ASCC2: variants seen among roughly 807,000 people sequenced by gnomAD.
ASCC2 encodes the protein activating signal cointegrator 1 complex subunit 2, also known as ASC-1 complex subunit P100.
A neutral mutation model predicts 93.5 loss-of-function variants in ASCC2; 42 were observed. The ratio of observed to expected loss-of-function variants is 0.45; its 90% CI spans 0.35 to 0.58. ASCC2 has a LOEUF of 0.58. Among genes scored for constraint, ASCC2 ranks in the 20% least tolerant of loss-of-function variants. The pLI, the probability that ASCC2 is intolerant of heterozygous loss-of-function variation, is 0.00. For synonymous variants in ASCC2, 364 were observed against 384.2 expected (o/e 0.95, Z 0.62); for missense variants, 859 against 977.6 (o/e 0.88, Z 1.62).
At chr22:29,801,608 G>C (rs923092664) in intron 14 of ASCC2, among the ~76,000 whole-genome samples, 2 of 152,194 alleles carry the variant, frequency 1.3e-5, no homozygotes, top group African/African-American at 4.8e-5. Flanking sequence ...TAAATGGTAG[G>C]TGTGATGAAA....
intron 1 of ASCC2, chr22:29,833,500 A>C: frequency 2.3e-6 from 1 of 436,168 alleles, no homozygotes. Context: ...TTCATAGAAA[A>C]CTGACAGTGC....
chr22:29,792,892 T>C lies in ASCC2; in HGVS notation c.1920-357A>G, dbSNP rs777030190. Among the ~76,000 whole-genome samples the C allele has an allele frequency of 5.1e-4, 78 of 152,148 alleles. 1 individual carries two copies. Among genetic ancestry groups the C allele is most frequent in the Non-Finnish European group, 9.4e-4 (64 of 68,024 alleles). On this transcript the variant is annotated intron_variant, in intron 17 of 19. Coordinates refer to ENST00000307790, the MANE Select transcript of ASCC2 (RefSeq NM_032204.5). Reference sequence around the variant, plus strand: ...TGAGCGCGGTGGCTCACGCCTGTAATACCCACACTTTGGGAGGTTGAGGTG... The same window carrying C: ...TGAGCGCGGTGGCTCACGCCTGTAACACCCACACTTTGGGAGGTTGAGGTG...
At chr22:29,793,224 G>A (rs2057993831) in intron 17 of ASCC2, 136 bp downstream of exon 17, 1 of 1,239,446 alleles carries the variant, frequency 8.1e-7, no homozygotes, top group Non-Finnish European at 1.1e-6. Flanking sequence ...CTGGGGTGGA[G>A]GAGCACTGGA....
intron 1 of ASCC2, chr22:29,836,555 C>A (rs999797646): frequency 2.0e-5 from 3 of 151,906 alleles, no homozygotes; most frequent in African/African-American, 7.3e-5. Context: ...GTACGTTAAT[C>A]ATTTCATTCA....
chr22:29,793,816 A>C, intron 15 of ASCC2, 140 bp from the exon 16 acceptor site: 1 of 584,934 alleles, frequency 1.7e-6, no homozygotes, highest in Non-Finnish European at 2.8e-6. Context: ...AGCATTGGTG[A>C]GGGCGTGGGA....
At chr22:29,833,154 A>G (rs920562676) in intron 1 of ASCC2, among the ~76,000 whole-genome samples, 1 of 152,218 alleles carries the variant, frequency 6.6e-6, no homozygotes, top group African/African-American at 2.4e-5. Flanking sequence ...CTGTGAGCTC[A>G]GTAGCCTGTG....
chr22:29,824,203 G>T (rs1250612354), intron 4 of ASCC2, among the ~76,000 whole-genome samples: 1 of 149,074 alleles, frequency 6.7e-6, no homozygotes, highest in Non-Finnish European at 1.5e-5. Context: ...AAAAGGAAGA[G>T]AAAATGTCCA....
intron 2 of ASCC2, among the ~76,000 whole-genome samples, chr22:29,828,477 G>A (rs1294489402): frequency 6.6e-6 from 1 of 152,196 alleles, no homozygotes; most frequent in South Asian, 2.1e-4. Context: ...TGGGATTAAA[G>A]AGGCAACTGA....
At chr22:29,809,313 T>C (rs2060034644) in intron 8 of ASCC2, among the ~76,000 whole-genome samples, 1 of 152,100 alleles carries the variant, frequency 6.6e-6, no homozygotes, top group Admixed American at 6.5e-5. Flanking sequence ...CATTGGCTTA[T>C]GAGTTAAGCC....
At chr22:29,792,660 AAAAGCCT>A in intron 17 of ASCC2, 125 bp from the exon 18 acceptor site, 1 of 1,337,714 alleles carries the variant, frequency 7.5e-7, no homozygotes, top group Non-Finnish European at 1.0e-6. Context: ...GGGAAAAACC[AAAAGCCT>A]TTCAAGCCAG....
rs746026673 is a variant in ASCC2, at chr22:29,806,325, G to A, written c.1086-35C>T. The A allele has an allele frequency of 1.9e-6, 3 of 1,606,382 alleles. No individual in the cohort carries two copies. The South Asian group carries it at 3.3e-5, about 18-fold the overall frequency. On this transcript the variant is annotated intron_variant, in intron 11 of 19. Transcript: ENST00000307790. ...GATGAGAGCAGATGGGATGGACAGAGCTGGGGCCACAGGAATGCTGTGCTG... is the reference window on the plus strand; with the variant it reads ...GATGAGAGCAGATGGGATGGACAGAACTGGGGCCACAGGAATGCTGTGCTG...
rs184299838 is a variant in ASCC2, at chr22:29,827,604, T to C, written c.82-1824A>G. On this transcript the variant is annotated intron_variant, in intron 2 of 19. Transcript: ENST00000307790. ...TCATGGAGTTACAGGTACAAATCTG[T>C]TGAAAAAGAAATTCTGCTGGCTGAA... 22 of 470,816 alleles carry C rather than the reference T, an allele frequency of 4.7e-5. No homozygotes were observed. In the Admixed American group the frequency reaches 4.7e-4, roughly 10 times the overall value. The allele number at this position is 470,816 out of a possible 1,614,324, so 29.2% of individuals were successfully genotyped here. A position where few individuals can be genotyped will look rare whatever the true frequency, so the allele number is the denominator to read the frequency against.
intron 6 of ASCC2, 70 bp from the exon 7 acceptor site, chr22:29,814,837 G>A (rs2060656236): frequency 7.7e-7 from 1 of 1,301,898 alleles, no homozygotes. Flanking sequence ...CAGCAGCCAG[G>A]GTCAGGTGAT....
chr22:29,804,551 A>G, intron 13 of ASCC2, 87 bp downstream of exon 13: 1 of 1,507,402 alleles, frequency 6.6e-7, no homozygotes, highest in Non-Finnish European at 9.0e-7. Flanking sequence ...ATAAAAGCAA[A>G]GAAGGGAGGT....
chr22:29,809,121 CAAAAAAAAA>C (rs1316093434), intron 8 of ASCC2, among the ~76,000 whole-genome samples: 1 of 41,000 alleles, frequency 2.4e-5, no homozygotes. Flanking sequence ...GACTCTGTCT[CAAAAAAAAA>C]AAAAAAAAAA....
Position 29,804,513 on chromosome 22 carries a change from A to G in ASCC2, c.1353+125T>C, listed in dbSNP as rs1601917375. 3.4e-6 allele frequency: 4 copies of G among 1,162,490 alleles called. No homozygotes were observed. In the East Asian group the frequency reaches 9.5e-5, roughly 27 times the overall value. The allele number at this position is 1,162,490 out of a possible 1,614,324, so 72.0% of individuals were successfully genotyped here. ...GCTGACCAGTTGCTTGAGGCTGTCT[A>G]TTCCCCAAAAAAACTTTTTCCCTGA... On this transcript the variant is annotated intron_variant, in intron 13 of 19. Transcript: ENST00000307790.
intron 8 of ASCC2, among the ~76,000 whole-genome samples, chr22:29,812,622 T>C (rs902761925): frequency 6.6e-6 from 1 of 152,222 alleles, no homozygotes; most frequent in Admixed American, 6.5e-5. Flanking sequence ...CTGGCTTGTT[T>C]TCCTGCTGTT....
rs1460287615 is a variant in ASCC2, at chr22:29,788,926, G to A, written c.*87C>T. The stretch of plus-strand genomic sequence containing the variant: ...CTGTTGAGGGGTTGAGTTGAACTTG[G>A]GGCCCCTAGTGAGGAGGCCCCAGGC... On this transcript the variant is annotated 3_prime_UTR_variant, in exon 20 of 20. Transcript: ENST00000307790. 1.1e-5 allele frequency: 17 copies of A among 1,552,870 alleles called. No homozygotes were observed. Among genetic ancestry groups the A allele is most frequent in the Non-Finnish European group, 1.5e-5 (17 of 1,137,546 alleles).
chr22:29,825,300 C>A lies in ASCC2; in HGVS notation c.241-43G>T, dbSNP rs1003467378. 1 of 1,503,128 alleles carries A rather than the reference C, an allele frequency of 6.7e-7. No individual in the cohort carries two copies. Among genetic ancestry groups the A allele is most frequent in the Admixed American group, 2.3e-5 (1 of 42,770 alleles). The allele number at this position is 1,503,128 out of a possible 1,614,324, so 93.1% of individuals were successfully genotyped here. A position where few individuals can be genotyped will look rare whatever the true frequency, so the allele number is the denominator to read the frequency against. On this transcript the variant is annotated intron_variant, in intron 3 of 19. Coordinates refer to ENST00000307790, the MANE Select transcript of ASCC2 (RefSeq NM_032204.5). The surrounding 1 kb of genome is among the most constrained non-coding windows in gnomAD (Gnocchi z 4.9). ...GGAGAGCGAGGATTTATCCCTTAGG[C>A]CCCAGGGGCTTGTGGGTGGACTGTG...
Sources: allele counts gnomAD v4.1 joint callset (sites outside exome capture counted in the v4.1 genomes callset), GRCh38; gene constraint gnomAD v4.1.1; non-coding constraint Gnocchi (gnomAD v3.1); transcripts MANE v1.5; gene names NCBI Gene and HGNC (gene_info 2026-07-23, HGNC 2026-07-21).